Variants in KCNN3 observed in about 807,000 individuals in gnomAD.
KCNN3 encodes the protein potassium calcium-activated channel subfamily N member 3, also known as small conductance calcium-activated potassium channel protein 3.
A neutral mutation model predicts 62.9 loss-of-function variants in KCNN3; 16 were observed. The ratio of observed to expected loss-of-function variants is 0.25; its 90% CI spans 0.17 to 0.39. The LOEUF (loss-of-function observed/expected upper bound fraction) is 0.39, where lower values mean the gene tolerates loss of function less well. KCNN3 is among the 10% of genes least tolerant of loss of function. The pLI is 1.00. For synonymous variants in KCNN3, 370 were observed against 389.2 expected (o/e 0.95, Z 0.58); for missense variants, 599 against 949.4 (o/e 0.63, Z 4.85).
At chr1:154,847,158 C>G (rs575906546) in intron 1 of KCNN3, among the ~76,000 whole-genome samples, 2 of 152,166 alleles carry the variant, frequency 1.3e-5, no homozygotes, top group East Asian at 3.9e-4. Flanking sequence ...GTGCCAGGCA[C>G]GTGCTGCTGC....
At chr1:154,716,554 T>C (rs889846134) in intron 5 of KCNN3, among the ~76,000 whole-genome samples, 3 of 152,264 alleles carry the variant, frequency 2.0e-5, no homozygotes, top group Non-Finnish European at 4.4e-5. Flanking sequence ...TAAAAATTTA[T>C]TACTAAGGCT....
chr1:154,854,166 C>T (rs1388248605), intron 1 of KCNN3, among the ~76,000 whole-genome samples: 3 of 152,140 alleles, frequency 2.0e-5, no homozygotes, highest in East Asian at 1.9e-4. Context: ...ACCCGGGAGG[C>T]GGAGCTTGCA....
At chr1:154,712,505 G>C (rs1484251026) in intron 7 of KCNN3, among the ~76,000 whole-genome samples, 1 of 152,136 alleles carries the variant, frequency 6.6e-6, no homozygotes, top group Non-Finnish European at 1.5e-5. Context: ...TATTAAACAA[G>C]GCACCTGCAC....
chr1:154,724,747 C>T lies in KCNN3; in HGVS notation c.1701+1169G>A, dbSNP rs138775845. 3.3e-4 allele frequency among the ~76,000 whole-genome samples: 50 copies of T among 152,220 alleles called. No homozygotes were observed. In the East Asian group the frequency reaches 9.1e-3, roughly 28 times the overall value. On this transcript the variant is annotated intron_variant, in intron 5 of 7. Coordinates refer to ENST00000271915, the MANE Select transcript of KCNN3 (RefSeq NM_002249.6). ...AGATTTTCATCTTCCATAACCACTT[C>T]CATAATGGTTCAAGTGAGAAACATT...
intron 2 of KCNN3, among the ~76,000 whole-genome samples, chr1:154,818,261 A>C (rs1424677602): frequency 1.3e-5 from 2 of 152,130 alleles, no homozygotes; most frequent in Non-Finnish European, 2.9e-5. Flanking sequence ...CCATGCGGGA[A>C]ACCAACCCCT....
intron 1 of KCNN3, among the ~76,000 whole-genome samples, chr1:154,848,184 C>T (rs1036707047): frequency 3.3e-5 from 5 of 152,118 alleles, no homozygotes; most frequent in Admixed American, 1.3e-4. Context: ...GCCTGATGCT[C>T]GCTGCTTGTC....
rs74464256 is a variant in KCNN3 at position 154,830,898 on chromosome 1, C to T, written c.934-8714G>A. 8.4e-3 allele frequency among the ~76,000 whole-genome samples: 1,276 copies of T among 152,294 alleles called. 24 individuals are homozygous for T. Among genetic ancestry groups the T allele is most frequent in the African/African-American group, 0.029 (1,211 of 41,556 alleles). On this transcript the variant is annotated intron_variant, in intron 1 of 7. Coordinates refer to ENST00000271915, the MANE Select transcript of KCNN3 (RefSeq NM_002249.6). ...CACGCTCCCAAAATATCAAGTCAGA[C>T]GGGGCACCCCTTCAGGCCACAAACA...
chr1:154,697,656 C>G lies in KCNN3; in HGVS notation c.*10320G>C, dbSNP rs940996165. 2 of 152,302 alleles carry G rather than the reference C, an allele frequency of 1.3e-5. No individual in the cohort carries two copies. The highest frequency in any genetic ancestry group is 2.4e-5 in the African/African-American group (1 of 41,440). The allele number at this position is 152,302 out of a possible 1,614,324, so 9.4% of individuals were successfully genotyped here. A position where few individuals can be genotyped will look rare whatever the true frequency, so the allele number is the denominator to read the frequency against. ...CAGAGAAGAAAATGCAGTCTCCCAT[C>G]CAGATCCTCAGACCCACACACCAGC... On this transcript the variant is annotated 3_prime_UTR_variant, in exon 8 of 8. Transcript: ENST00000271915.
intron 3 of KCNN3, among the ~76,000 whole-genome samples, chr1:154,739,392 C>G (rs545924911): frequency 6.6e-6 from 1 of 152,198 alleles, no homozygotes; most frequent in Non-Finnish European, 1.5e-5. Flanking sequence ...TAGTGCCCCC[C>G]ACCCCAGGAT....
intron 3 of KCNN3, among the ~76,000 whole-genome samples, chr1:154,759,037 A>G (rs1255676315): frequency 2.6e-5 from 4 of 152,124 alleles, no homozygotes; most frequent in African/African-American, 7.2e-5. Context: ...GGAACTCCTG[A>G]CCTCAGGTGA....
chr1:154,865,724 A>G (rs1367494259), intron 1 of KCNN3, among the ~76,000 whole-genome samples: 2 of 152,324 alleles, frequency 1.3e-5, no homozygotes, highest in South Asian at 2.1e-4. Context: ...CCCCAGCAGC[A>G]GCCACCCGCC....
chr1:154,702,729 AT>A lies in KCNN3; in HGVS notation c.*5246del. The A allele has an allele frequency of 7.9e-6, 1 of 126,450 alleles. No homozygotes were observed. Among genetic ancestry groups the A allele is most frequent in the East Asian group, 2.2e-4 (1 of 4,626 alleles). The allele number at this position is 126,450 out of a possible 1,614,324, so 7.8% of individuals were successfully genotyped here. ...TATATATATATATATATATATATAT[AT>A]ATATATATATATATATATGTACTTT... On this transcript the variant is annotated 3_prime_UTR_variant, in exon 8 of 8. Transcript: ENST00000271915.
chr1:154,853,326 T>TTTTTTG (rs1185025149), intron 1 of KCNN3, among the ~76,000 whole-genome samples: 3 of 148,846 alleles, frequency 2.0e-5, no homozygotes, highest in East Asian at 4.1e-4. Context: ...GTGGTTTTTG[T>TTTTTTG]TTTCTGTTTT....
intron 4 of KCNN3, among the ~76,000 whole-genome samples, chr1:154,726,842 C>A (rs569886236): frequency 6.6e-6 from 1 of 152,262 alleles, no homozygotes; most frequent in South Asian, 2.1e-4. Flanking sequence ...TCGGTAGGTC[C>A]GTGCCAGGGG....
At chr1:154,821,482 G>A (rs757368321) in intron 2 of KCNN3, among the ~76,000 whole-genome samples, 15 of 152,170 alleles carry the variant, frequency 9.9e-5, no homozygotes, top group Non-Finnish European at 1.6e-4. Context: ...AACTGGAAGT[G>A]CACCCTGGAG....
intron 2 of KCNN3, among the ~76,000 whole-genome samples, chr1:154,798,808 G>A (rs1394034537): frequency 6.6e-6 from 1 of 152,142 alleles, no homozygotes; most frequent in Non-Finnish European, 1.5e-5. Context: ...TCAAATCCTA[G>A]TCTCTAGTTC....
rs115806050 is a variant in KCNN3, at chr1:154,825,080, A to G, written c.934-2896T>C. 5.4e-3 allele frequency among the ~76,000 whole-genome samples: 822 copies of G among 152,356 alleles called. 7 individuals carry two copies. The highest frequency in any genetic ancestry group is 0.019 in the African/African-American group (786 of 41,586). On this transcript the variant is annotated intron_variant, in intron 1 of 7. Transcript: ENST00000271915. ...CTATTTGGTAAAATGTTGAATTAGCATCTTCTCTTTGCTGCCTGAACATCA... is the reference window on the plus strand; with the variant it reads ...CTATTTGGTAAAATGTTGAATTAGCGTCTTCTCTTTGCTGCCTGAACATCA...
intron 1 of KCNN3, among the ~76,000 whole-genome samples, chr1:154,842,292 C>G (rs949300706): frequency 1.3e-5 from 2 of 152,108 alleles, no homozygotes; most frequent in African/African-American, 4.8e-5. Context: ...TGGCCTCATC[C>G]CAGGCAGGGT....
At chr1:154,720,267 C>T (rs760465942) in intron 5 of KCNN3, among the ~76,000 whole-genome samples, 8 of 152,200 alleles carry the variant, frequency 5.3e-5, no homozygotes, top group African/African-American at 7.2e-5. Context: ...CCAGCTTAAA[C>T]GCACATTGTT....
Sources: gnomAD v4.1 joint callset for allele counts (sites outside exome capture counted in the v4.1 genomes callset) on GRCh38, gnomAD v4.1.1 for gene constraint, MANE v1.5 for transcripts, NCBI Gene and HGNC (gene_info 2026-07-23, HGNC 2026-07-21) for gene names.